MPIG6B: variants seen among roughly 807,000 people sequenced by gnomAD.
MPIG6B encodes the protein immunoglobulin receptor.
A neutral mutation model predicts 24.2 loss-of-function variants in MPIG6B; 22 were observed. That is an observed-to-expected ratio of 0.91 (90% CI 0.65 to 1.30). The LOEUF is 1.30. Ranked by LOEUF, MPIG6B falls within the 50% of genes most tolerant of loss-of-function variation. The pLI, the probability that MPIG6B is intolerant of heterozygous loss-of-function variation, is 0.00. For missense variants in MPIG6B, 301 were observed against 318.5 expected, an observed-to-expected ratio of 0.94 and a Z score of 0.42; for synonymous variants, 136 against 142.0, an observed-to-expected ratio of 0.96 and a Z score of 0.30.
chr6:31,722,175 T>C (rs558501738), upstream of MPIG6B, among the ~76,000 whole-genome samples: 20 of 152,244 alleles, frequency 1.3e-4, no homozygotes, highest in South Asian at 2.1e-3. Context: ...CTGGTGGAAA[T>C]TGGGGGAGGA....
chr6:31,724,680 C>T (rs1807175468), intron 4 of MPIG6B, 53 bp downstream of exon 4: 3 of 1,606,408 alleles, frequency 1.9e-6, no homozygotes, highest in South Asian at 2.2e-5. Flanking sequence ...CTCCCCACCC[C>T]TCAATTCCTG....
At chr6:31,724,304 G>T (rs1051395328) in intron 3 of MPIG6B, 72 bp downstream of exon 3, 5 of 1,249,986 alleles carry the variant, frequency 4.0e-6, no homozygotes, top group Non-Finnish European at 4.6e-6. Flanking sequence ...CAGAACCTTC[G>T]CAAAAGAAAG....
chr6:31,724,152 T>A lies in MPIG6B; in HGVS notation c.420T>A (p.Tyr140Ter), dbSNP rs541503374. The A allele has an allele frequency of 1.6e-5, 25 of 1,612,862 alleles. No individual in the cohort carries two copies. The East Asian group carries it at 5.3e-4, about 35-fold the overall frequency. ...KAPGPTHGSV[Y>*]PQLLIPLLGA... The stretch of plus-strand genomic sequence containing the variant: ...ACGCCTTTCCCCCAGGGTCCGTGTA[T>A]CCCCAGCTCCTGATCCCGCTGCTGG... Residue 140 changes from tyrosine to a stop codon, truncating the protein, a stop_gained, in exon 3 of 6, where the codon TAT (tyrosine) becomes TAA (stop). Coordinates refer to ENST00000649779, the MANE Select transcript of MPIG6B (RefSeq NM_138272.3). LOFTEE classifies it high-confidence loss of function.
intron 3 of MPIG6B, 90 bp downstream of exon 3, chr6:31,724,322 C>A: frequency 2.7e-6 from 3 of 1,106,286 alleles, no homozygotes; most frequent in Non-Finnish European, 4.0e-6. Flanking sequence ...AAGAGCTAGA[C>A]CTAGAGCTCT....
Position 31,725,263 on chromosome 6 carries a change from C to T in MPIG6B, c.*189C>T. 2 of 596,458 alleles carry T rather than the reference C, an allele frequency of 3.4e-6. No homozygotes were observed. Among genetic ancestry groups the T allele is most frequent in the Non-Finnish European group, 6.0e-6 (2 of 335,566 alleles). 36.9% of individuals were successfully genotyped at this position (596,458 alleles called of 1,614,324 possible). A position where few individuals can be genotyped will look rare whatever the true frequency, so the allele number is the denominator to read the frequency against. ...GTCTTACTTCTAAACTTACTCCCATCTCTCCTATAACCTCCATGTCTCCCT... is the reference window on the plus strand; with the variant it reads ...GTCTTACTTCTAAACTTACTCCCATTTCTCCTATAACCTCCATGTCTCCCT... On this transcript the variant is annotated 3_prime_UTR_variant, in exon 6 of 6. Transcript: ENST00000649779. The surrounding 1 kb of genome is among the most constrained non-coding windows in gnomAD (Gnocchi z 5.2).
upstream of MPIG6B, chr6:31,721,597 A>G: frequency 6.2e-7 from 1 of 1,609,376 alleles, no homozygotes; most frequent in Non-Finnish European, 8.5e-7. Flanking sequence ...TGACCAGGCA[A>G]ACCAGGTCTT....
At position 31,724,639 on chromosome 6, in the gene MPIG6B, T is replaced by G; in HGVS notation, c.541+12T>G. The G allele has an allele frequency of 4.3e-6, 7 of 1,612,900 alleles. No homozygotes were observed. The highest frequency in any genetic ancestry group is 5.9e-6 in the Non-Finnish European group (7 of 1,178,962). ...ACTCCCTAGATTTGGTGAGACTAAT[T>G]CCACCCCATTTTCTTTCTCCTACAT... On this transcript the variant is annotated intron_variant, in intron 4 of 5. Coordinates refer to ENST00000649779, the MANE Select transcript of MPIG6B (RefSeq NM_138272.3).
chr6:31,724,062 G>T, intron 2 of MPIG6B, 76 bp downstream of exon 2: 1 of 1,574,984 alleles, frequency 6.3e-7, no homozygotes, highest in East Asian at 2.2e-5. Context: ...CCTTGGCTGG[G>T]GGTTCTTGAG....
Position 31,723,419 on chromosome 6 carries a change from C to T in MPIG6B, c.36C>T (p.Leu12=), listed in dbSNP as rs781159254. ...AVFLQLLPLL[L]SRAQGNPGAS... ...TTCTGCAGCTGCTACCGCTGCTGCTCTCGAGGGCCCAAGGGAACCCTGGGG... is the reference window on the plus strand; with the variant it reads ...TTCTGCAGCTGCTACCGCTGCTGCTTTCGAGGGCCCAAGGGAACCCTGGGG... The change falls in exon 1 of 6, where the codon CTC becomes CTT. Residue 12 remains leucine (L), a synonymous_variant. Transcript: ENST00000649779. This position sits in a 1 kb window ranked among gnomAD's most constrained non-coding sequence, Gnocchi z 4.3. The T allele has an allele frequency of 6.2e-7, 1 of 1,612,992 alleles. No individual in the cohort carries two copies. The highest frequency in any genetic ancestry group is 1.1e-5 in the South Asian group (1 of 91,068).
At position 31,724,634 on chromosome 6, in the gene MPIG6B, C is replaced by T. The variant is rs1807170742; in HGVS notation, c.541+7C>T. 2 of 1,613,070 alleles carry T rather than the reference C, an allele frequency of 1.2e-6. No individual in the cohort carries two copies. The highest frequency in any genetic ancestry group is 1.1e-5 in the South Asian group (1 of 91,076). On this transcript the variant is annotated splice_region_variant and intron_variant, in intron 4 of 5. Coordinates refer to ENST00000649779, the MANE Select transcript of MPIG6B (RefSeq NM_138272.3). ...CGACCACTCCCTAGATTTGGTGAGA[C>T]TAATTCCACCCCATTTTCTTTCTCC...
upstream of MPIG6B, among the ~76,000 whole-genome samples, chr6:31,720,494 C>T (rs1455045575): frequency 6.6e-6 from 1 of 152,250 alleles, no homozygotes; most frequent in Non-Finnish European, 1.5e-5. The surrounding 1 kb of genome is among the most constrained non-coding windows in gnomAD (Gnocchi z 4.9). Flanking sequence ...TGAAGAAAAA[C>T]ATGGGGCTGG....
rs1806997390 is a variant in MPIG6B at position 31,723,551 on chromosome 6, G to A, written c.62-88G>A. On this transcript the variant is annotated intron_variant, in intron 1 of 5. Transcript: ENST00000649779. The surrounding 1 kb of genome is among the most constrained non-coding windows in gnomAD (Gnocchi z 4.3). ...TGGGAAGATCCAGGATGGCTGGAGT[G>A]CAGAACAGAGAAGAGAAAGAGGAGA... 1 of 1,432,280 alleles carries A rather than the reference G, an allele frequency of 7.0e-7. No homozygotes were observed. Among genetic ancestry groups the A allele is most frequent in the Non-Finnish European group, 9.6e-7 (1 of 1,037,100 alleles). 88.7% of individuals were successfully genotyped at this position (1,432,280 alleles called of 1,614,324 possible). A position where few individuals can be genotyped will look rare whatever the true frequency, so the allele number is the denominator to read the frequency against.
Position 31,723,675 on chromosome 6 carries a change from T to C in MPIG6B, c.98T>C (p.Leu33Pro). The C allele has an allele frequency of 1.3e-6, 2 of 1,592,190 alleles. No individual in the cohort carries two copies. The highest frequency in any genetic ancestry group is 2.2e-5 in the South Asian group (2 of 89,044). The change falls in exon 2 of 6, where the codon CTC (leucine) becomes CCC (proline). Residue 33 changes from leucine (L) to proline (P), a missense_variant. Transcript: ENST00000649779. The surrounding 1 kb of genome is among the most constrained non-coding windows in gnomAD (Gnocchi z 4.3). ...LDGRPGDRVN[L>P]SCGGVSHPIR... Reference sequence around the variant, plus strand: ...GGCCGCCCTGGGGACCGGGTGAATCTCTCCTGCGGAGGAGTCTCTCATCCC... The same window carrying C: ...GGCCGCCCTGGGGACCGGGTGAATCCCTCCTGCGGAGGAGTCTCTCATCCC...
chr6:31,725,329 C>CT lies in MPIG6B; in HGVS notation c.*255_*256insT. 2.2e-6 allele frequency: 1 copy of CT among 459,130 alleles called. No individual in the cohort carries two copies. Among genetic ancestry groups the CT allele is most frequent in the South Asian group, 3.9e-5 (1 of 25,628 alleles). The allele number at this position is 459,130 out of a possible 1,614,324, so 28.4% of individuals were successfully genotyped here. On this transcript the variant is annotated 3_prime_UTR_variant, in exon 6 of 6. Transcript: ENST00000649779. This position sits in a 1 kb window ranked among gnomAD's most constrained non-coding sequence, Gnocchi z 5.2. ...CTCTATACCCAATCAAGCCCTAGCT[C>CT]CTTTTTTTTTTTTTTTTGAGACGGA... is the stretch of plus-strand genomic sequence containing the variant.
rs760279890 is a variant in MPIG6B at position 31,724,216 on chromosome 6, G to A, written c.484G>A (p.Val162Ile). Reference protein sequence around the residue: ...LVLGLGALGLVWWLHRRLPPQ... With the variant: ...LVLGLGALGLIWWLHRRLPPQ... ...GCTCGGACTGGGAGCTTTGGGCCTG[G>A]TCTGGTGGCTGCACAGGTGAGCAGG... The change falls in exon 3 of 6, where the codon GTC becomes ATC. Residue 162 changes from valine to isoleucine, a missense_variant. Physicochemically the swap from Val to Ile is conservative, Grantham distance 29. Coordinates refer to ENST00000649779, the MANE Select transcript of MPIG6B (RefSeq NM_138272.3). The A allele has an allele frequency of 3.7e-6, 6 of 1,613,092 alleles. No individual in the cohort carries two copies. The highest frequency in any genetic ancestry group is 5.1e-6 in the Non-Finnish European group (6 of 1,179,850).
upstream of MPIG6B, chr6:31,721,629 T>C (rs904735427): frequency 7.4e-6 from 12 of 1,613,622 alleles, no homozygotes; most frequent in Middle Eastern, 3.3e-4. Flanking sequence ...GGTGCTCACC[T>C]GAGACCCAGC....
chr6:31,723,229 C>T, upstream of MPIG6B: 4 of 687,484 alleles, frequency 5.8e-6, no homozygotes, highest in Non-Finnish European at 1.0e-5. This position sits in a 1 kb window ranked among gnomAD's most constrained non-coding sequence, Gnocchi z 4.3. Context: ...TGCGAGGATT[C>T]CCAAAGGGAT....
upstream of MPIG6B, chr6:31,721,601 A>G (rs759142986): frequency 6.2e-7 from 1 of 1,610,568 alleles, no homozygotes; most frequent in Non-Finnish European, 8.5e-7. Context: ...CAGGCAAACC[A>G]GGTCTTTGGG....
upstream of MPIG6B, chr6:31,723,367 C>T (rs1806963208): frequency 6.2e-7 from 1 of 1,610,558 alleles, no homozygotes; most frequent in Non-Finnish European, 8.5e-7. The surrounding 1 kb of genome is among the most constrained non-coding windows in gnomAD (Gnocchi z 4.3). Context: ...GCAGCTTCTC[C>T]TCACCACATC....
Sources: allele counts gnomAD v4.1 joint callset (sites outside exome capture counted in the v4.1 genomes callset), GRCh38; gene constraint gnomAD v4.1.1; non-coding constraint Gnocchi (gnomAD v3.1); transcripts MANE v1.5; gene names NCBI Gene and HGNC (gene_info 2026-07-23, HGNC 2026-07-21).